Variants in LIPI observed in about 807,000 individuals in gnomAD.
LIPI encodes lipase I.
A neutral mutation model predicts 50.6 loss-of-function variants in LIPI; 59 were observed. That is an observed-to-expected ratio of 1.16 (90% confidence interval 0.94 to 1.45). The LOEUF is 1.45. LIPI is among the 40% of genes most tolerant of loss of function. The pLI is 0.00. For synonymous variants in LIPI, 203 were observed against 178.2 expected (o/e 1.14, Z -1.11); for missense variants, 586 against 536.3 (o/e 1.09, Z -0.92).
intron 9 of LIPI, among the ~76,000 whole-genome samples, chr21:14,140,364 T>C (rs2017660904): frequency 6.6e-6 from 1 of 152,170 alleles, no homozygotes; most frequent in Non-Finnish European, 1.5e-5. Context: ...ATGTTTCAAC[T>C]AGAACGTATT....
chr21:14,206,467 T>C (rs1600943475), intron 1 of LIPI, among the ~76,000 whole-genome samples: 3 of 152,166 alleles, frequency 2.0e-5, no homozygotes, highest in African/African-American at 7.2e-5. Context: ...TAACTTAGTT[T>C]GTAATCAAAA....
chr21:14,185,736 C>T (rs767856155), intron 3 of LIPI, among the ~76,000 whole-genome samples: 4 of 151,632 alleles, frequency 2.6e-5, no homozygotes, highest in Non-Finnish European at 4.4e-5. Context: ...AAAAATTAGC[C>T]GGTGTGGTAG....
chr21:14,164,042 A>C (rs572819829), intron 6 of LIPI, among the ~76,000 whole-genome samples: 1 of 150,372 alleles, frequency 6.7e-6, no homozygotes, highest in Non-Finnish European at 1.5e-5. Context: ...TACATATTTC[A>C]GATACATATG....
intron 4 of LIPI, among the ~76,000 whole-genome samples, chr21:14,179,443 T>G (rs2019196654): frequency 6.6e-6 from 1 of 152,140 alleles, no homozygotes; most frequent in African/African-American, 2.4e-5. Flanking sequence ...TTAGATCTGA[T>G]AGGTTGCATC....
rs138136703 is a variant in LIPI, at chr21:14,150,165, G to A, written c.1118+2408C>T. 3.7e-4 allele frequency among the ~76,000 whole-genome samples: 56 copies of A among 152,156 alleles called. No homozygotes were observed. The East Asian group carries it at 9.3e-3, about 25-fold the overall frequency. On this transcript the variant is annotated intron_variant, in intron 8 of 9. Transcript: ENST00000681601. Reference sequence around the variant, plus strand: ...TGGAGGTTCCCAAACCTCAATTCTTGTCTTCTGCAACCTACAGAACCAACA... The same window carrying A: ...TGGAGGTTCCCAAACCTCAATTCTTATCTTCTGCAACCTACAGAACCAACA...
intron 1 of LIPI, 130 bp downstream of exon 1, chr21:14,210,670 T>C (rs2020339430): frequency 4.2e-6 from 1 of 238,788 alleles, no homozygotes; most frequent in Admixed American, 5.8e-5. Flanking sequence ...TAATGTTTGT[T>C]ATAATTAGTA....
At chr21:14,185,849 C>G in intron 3 of LIPI, 112 bp downstream of exon 3, 1 of 661,192 alleles carries the variant, frequency 1.5e-6, no homozygotes, top group Non-Finnish European at 2.7e-6. Context: ...CACCACTGCA[C>G]TGCAGCCTGG....
At chr21:14,126,997 TA>T (rs1204692188) in intron 9 of LIPI, among the ~76,000 whole-genome samples, 1 of 152,212 alleles carries the variant, frequency 6.6e-6, no homozygotes, top group African/African-American at 2.4e-5. Context: ...TACTGTTACA[TA>T]AAATTTTTGA....
intron 1 of LIPI, among the ~76,000 whole-genome samples, chr21:14,193,942 A>C (rs2019761262): frequency 1.3e-5 from 2 of 152,182 alleles, no homozygotes; most frequent in South Asian, 4.1e-4. Flanking sequence ...ATCACTCAAC[A>C]ACAAAAACAC....
chr21:14,180,932 T>C (rs375396904), intron 4 of LIPI, among the ~76,000 whole-genome samples: 3 of 152,332 alleles, frequency 2.0e-5, no homozygotes, highest in East Asian at 3.9e-4. Flanking sequence ...TATCCTCTCC[T>C]GATTCGGTTT....
In LIPI at chr21:14,132,014, G is replaced by A. The variant is rs181342329; in HGVS notation, c.1295+12609C>T. On this transcript the variant is annotated intron_variant, in intron 9 of 9. Coordinates refer to ENST00000681601, the MANE Select transcript of LIPI (RefSeq NM_001302998.2). Reference sequence around the variant, plus strand: ...ATACGTTTTTAAAAATAATCCAGTCGGGCAAAAAACAAGCAAATAAACAAA... The same window carrying A: ...ATACGTTTTTAAAAATAATCCAGTCAGGCAAAAAACAAGCAAATAAACAAA... Among the ~76,000 whole-genome samples the A allele has an allele frequency of 2.0e-4, 31 of 151,948 alleles. No homozygotes were observed. In the East Asian group the frequency reaches 3.1e-3, roughly 15 times the overall value.
chr21:14,154,033 G>A (rs2018190534), intron 7 of LIPI, among the ~76,000 whole-genome samples: 1 of 152,096 alleles, frequency 6.6e-6, no homozygotes, highest in Non-Finnish European at 1.5e-5. Context: ...GAACTTTGAA[G>A]AAGAGCTGAT....
chr21:14,131,568 C>T (rs2017296067), intron 9 of LIPI, among the ~76,000 whole-genome samples: 1 of 152,070 alleles, frequency 6.6e-6, no homozygotes, highest in Non-Finnish European at 1.5e-5. Flanking sequence ...AAAAATTCTC[C>T]CCTATAGAAG....
chr21:14,149,648 G>T (rs948303870), intron 8 of LIPI, among the ~76,000 whole-genome samples: 1 of 152,118 alleles, frequency 6.6e-6, no homozygotes, highest in African/African-American at 2.4e-5. Context: ...CAAGCATTGG[G>T]TAAATACACC....
chr21:14,186,718 C>T (rs1159159615), intron 2 of LIPI, among the ~76,000 whole-genome samples: 1 of 152,102 alleles, frequency 6.6e-6, no homozygotes, highest in African/African-American at 2.4e-5. Context: ...AGAATTATGT[C>T]ATGAGTGTGG....
intron 3 of LIPI, among the ~76,000 whole-genome samples, chr21:14,183,311 T>C (rs575572277): frequency 1.2e-3 from 177 of 152,318 alleles, no homozygotes; most frequent in African/African-American, 4.1e-3. Flanking sequence ...TTACACCTTA[T>C]ACAAAAATTA....
At chr21:14,161,857 A>AT in intron 7 of LIPI, among the ~76,000 whole-genome samples, 4 of 120,878 alleles carry the variant, frequency 3.3e-5, no homozygotes, top group Admixed American at 1.0e-4. Context: ...ATTATTATAT[A>AT]TAATTACATA....
At chr21:14,173,419 A>AT (rs781492542) in intron 4 of LIPI, among the ~76,000 whole-genome samples, 2 of 152,214 alleles carry the variant, frequency 1.3e-5, no homozygotes, top group Non-Finnish European at 2.9e-5. Context: ...CCTGTAGATC[A>AT]TTGGACCACT....
At chr21:14,173,060 G>T (rs1384874507) in intron 4 of LIPI, among the ~76,000 whole-genome samples, 1 of 152,142 alleles carries the variant, frequency 6.6e-6, no homozygotes, top group Non-Finnish European at 1.5e-5. Flanking sequence ...GCATGTTTAA[G>T]TTATTTGGTT....
Sources: allele counts gnomAD v4.1 joint callset (sites outside exome capture counted in the v4.1 genomes callset), GRCh38; gene constraint gnomAD v4.1.1; transcripts MANE v1.5; gene names NCBI Gene and HGNC (gene_info 2026-07-23, HGNC 2026-07-21).